ANTXR2: variants seen among roughly 807,000 people sequenced by gnomAD.
ANTXR2 encodes ANTXR cell adhesion molecule 2.
ANTXR2 carries 44 observed loss-of-function variants against 73.7 expected under a neutral mutation model. The ratio of observed to expected loss-of-function variants is 0.60; its 90% CI spans 0.47 to 0.77. ANTXR2 has a LOEUF of 0.77. ANTXR2 is among the 30% of genes least tolerant of loss of function. ANTXR2 has a pLI of 0.00. For synonymous variants in ANTXR2, 217 were observed against 205.9 expected, an observed-to-expected ratio of 1.05 and a Z score of -0.46; for missense variants, 604 against 592.5, an observed-to-expected ratio of 1.02 and a Z score of -0.20.
intron 16 of ANTXR2, among the ~76,000 whole-genome samples, chr4:79,923,652 C>G (rs976348112): frequency 6.6e-6 from 1 of 152,034 alleles, no homozygotes; most frequent in Non-Finnish European, 1.5e-5. Flanking sequence ...AAATACAACA[C>G]ACAATTTGAC....
chr4:80,060,859 C>G (rs79953651), intron 3 of ANTXR2, among the ~76,000 whole-genome samples: 4,183 of 152,228 alleles, frequency 0.027, 81 homozygotes, highest in Non-Finnish European at 0.041. Flanking sequence ...TGGTTATCAG[C>G]AAAATTGATT....
intron 12 of ANTXR2, among the ~76,000 whole-genome samples, chr4:80,003,879 C>G (rs868606394): frequency 6.6e-6 from 1 of 152,052 alleles, no homozygotes; most frequent in South Asian, 2.1e-4. Context: ...AGATATACAA[C>G]TACTTTATAA....
At chr4:80,054,182 A>T (rs1234244755) in intron 7 of ANTXR2, 90 bp downstream of exon 7, 3 of 964,686 alleles carry the variant, frequency 3.1e-6, no homozygotes, top group Non-Finnish European at 4.7e-6. Flanking sequence ...CTAGATAATG[A>T]CCACCTGCAC....
At chr4:80,071,721 G>A in intron 1 of ANTXR2, 67 bp from the exon 2 acceptor site, 1 of 1,346,048 alleles carries the variant, frequency 7.4e-7, no homozygotes, top group Non-Finnish European at 1.1e-6. Context: ...ATTTTGAAAT[G>A]GTTCCTTCTT....
chr4:80,006,101 A>AGTC (rs1731289804), intron 12 of ANTXR2, among the ~76,000 whole-genome samples: 1 of 152,146 alleles, frequency 6.6e-6, no homozygotes, highest in African/African-American at 2.4e-5. Context: ...TCATCAGGTC[A>AGTC]GTCAGGTTTC....
chr4:80,072,631 G>A lies in ANTXR2; in HGVS notation c.-71C>T, dbSNP rs1421373892. On this transcript the variant is annotated 5_prime_UTR_variant, in exon 1 of 17. Transcript: ENST00000403729. ...AGCTCAGGAGGGTCGCAAAGGTGGC[G>A]GGAGTCACCCGGCACGCACTCTGGG... 1.5e-6 allele frequency: 2 copies of A among 1,377,000 alleles called. No individual in the cohort carries two copies. The highest frequency in any genetic ancestry group is 3.0e-5 in the East Asian group (1 of 33,080). The allele number at this position is 1,377,000 out of a possible 1,614,324, so 85.3% of individuals were successfully genotyped here.
At chr4:79,945,438 G>C (rs1310424000) in intron 16 of ANTXR2, among the ~76,000 whole-genome samples, 1 of 151,980 alleles carries the variant, frequency 6.6e-6, no homozygotes, top group African/African-American at 2.4e-5. Flanking sequence ...GGCTAAAATA[G>C]TTCTTATGCA....
chr4:80,070,439 C>A (rs1008651300), intron 2 of ANTXR2, among the ~76,000 whole-genome samples: 1 of 152,196 alleles, frequency 6.6e-6, no homozygotes, highest in Admixed American at 6.5e-5. Flanking sequence ...CTACATGACA[C>A]CCTTTTCACA....
At chr4:80,036,624 A>C (rs1436050598) in intron 7 of ANTXR2, among the ~76,000 whole-genome samples, 3 of 151,926 alleles carry the variant, frequency 2.0e-5, no homozygotes, top group African/African-American at 7.3e-5. Context: ...AACATAGTGA[A>C]TCCTGTCTCT....
At chr4:79,921,687 T>A (rs947557991) in intron 16 of ANTXR2, among the ~76,000 whole-genome samples, 1 of 152,092 alleles carries the variant, frequency 6.6e-6, no homozygotes, top group Non-Finnish European at 1.5e-5. Context: ...AAATTTTTTA[T>A]GAAAAATATG....
chr4:80,020,042 A>G (rs2110070113), intron 10 of ANTXR2, among the ~76,000 whole-genome samples: 1 of 152,280 alleles, frequency 6.6e-6, no homozygotes, highest in African/African-American at 2.4e-5. Context: ...AATAGTTTAC[A>G]AAGGATATTA....
intron 11 of ANTXR2, among the ~76,000 whole-genome samples, chr4:80,012,340 CT>C (rs36013008): frequency 0.11 from 15,611 of 146,102 alleles, 1,835 homozygotes; most frequent in East Asian, 0.64. Flanking sequence ...AAGCTAATAC[CT>C]TTTTTTTTTT....
intron 12 of ANTXR2, among the ~76,000 whole-genome samples, chr4:80,000,715 T>C (rs1268740236): frequency 1.3e-5 from 2 of 152,138 alleles, no homozygotes; most frequent in African/African-American, 4.8e-5. Context: ...AAGGGATGTT[T>C]CTGACTTTGA....
Position 79,946,794 on chromosome 4 carries a change from T to C in ANTXR2, c.1428+30827A>G, listed in dbSNP as rs546260480. ...AAATTCTCCCTGTTTTTGTTTTTAATTGGAGACATTTATTTGTTTAGAATG... is the reference window on the plus strand; with the variant it reads ...AAATTCTCCCTGTTTTTGTTTTTAACTGGAGACATTTATTTGTTTAGAATG... On this transcript the variant is annotated intron_variant, in intron 16 of 16. Transcript: ENST00000403729. 5.3e-5 allele frequency among the ~76,000 whole-genome samples: 8 copies of C among 152,304 alleles called. No homozygotes were observed. The South Asian group carries it at 8.3e-4, about 16-fold the overall frequency.
intron 16 of ANTXR2, among the ~76,000 whole-genome samples, chr4:79,963,950 T>C (rs1008254126): frequency 2.0e-5 from 3 of 152,208 alleles, no homozygotes; most frequent in Non-Finnish European, 4.4e-5. Flanking sequence ...AGGAATGAAG[T>C]CTTTATGAAT....
chr4:79,972,843 T>C (rs1469065746), intron 16 of ANTXR2, among the ~76,000 whole-genome samples: 5 of 8,466 alleles, frequency 5.9e-4, no homozygotes, highest in African/African-American at 7.1e-4. Context: ...GTGGGTGCAG[T>C]GCACCAGCAT....
Position 79,904,550 on chromosome 4 carries a change from T to C in ANTXR2, c.*2879A>G, listed in dbSNP as rs1726833438. On this transcript the variant is annotated 3_prime_UTR_variant, in exon 17 of 17. Transcript: ENST00000403729. Reference sequence around the variant, plus strand: ...AATGCTCTAAGGAAAACATTCCAAGTATCAAAGTTTTCAGATAGATAAATA... The same window carrying C: ...AATGCTCTAAGGAAAACATTCCAAGCATCAAAGTTTTCAGATAGATAAATA... 6.6e-6 allele frequency: 1 copy of C among 152,130 alleles called. No individual in the cohort carries two copies. 9.4% of individuals were successfully genotyped at this position (152,130 alleles called of 1,614,324 possible). A position where few individuals can be genotyped will look rare whatever the true frequency, so the allele number is the denominator to read the frequency against.
intron 3 of ANTXR2, 127 bp from the exon 4 acceptor site, chr4:80,056,140 C>G (rs1733984766): frequency 3.7e-6 from 2 of 547,496 alleles, no homozygotes; most frequent in Non-Finnish European, 6.1e-6. Flanking sequence ...AGAACATGGG[C>G]TTTGAAGGCA....
chr4:79,909,651 A>C (rs1212728643), intron 16 of ANTXR2, among the ~76,000 whole-genome samples: 2 of 151,992 alleles, frequency 1.3e-5, no homozygotes, highest in Non-Finnish European at 2.9e-5. Context: ...GCACCAAAAA[A>C]AAAAAAATAA....
Sources: allele counts gnomAD v4.1 joint callset (sites outside exome capture counted in the v4.1 genomes callset), GRCh38; gene constraint gnomAD v4.1.1; transcripts MANE v1.5; gene names NCBI Gene and HGNC (gene_info 2026-07-23, HGNC 2026-07-21).